Variants in COL18A1 observed in about 807,000 individuals in gnomAD.
COL18A1 encodes the protein collagen alpha-1(XVIII) chain.
Under a neutral mutation model 168.0 loss-of-function variants are expected in COL18A1, and 133 were observed. That is an observed-to-expected ratio of 0.79 (90% CI 0.69 to 0.91). The LOEUF (loss-of-function observed/expected upper bound fraction) is 0.91. Among genes scored for constraint, COL18A1 ranks in the 40% least tolerant of loss-of-function variants. The pLI is 0.00. For missense variants in COL18A1, 2,126 were observed against 1,925.4 expected (o/e 1.10, Z -1.95); for synonymous variants, 949 against 809.0 (o/e 1.17, Z -2.94).
intron 24 of COL18A1, among the ~76,000 whole-genome samples, 165 bp downstream of exon 24, chr21:45,492,878 C>T (rs984505707): frequency 5.3e-5 from 8 of 152,160 alleles, no homozygotes; most frequent in South Asian, 4.1e-4. Flanking sequence ...GGGCGAGAGC[C>T]GCTGGCAGGC....
In COL18A1 at chr21:45,491,205, C is replaced by G; in HGVS notation, c.2068-20C>G. On this transcript the variant is annotated intron_variant, in intron 21 of 41. Coordinates refer to ENST00000651438, the MANE Select transcript of COL18A1 (RefSeq NM_001379500.1). ...AGAGCGGTTGAGATGAAATGCCGGACGCGTGGCCTCCTCTTCCAGGGAGAT... is the reference window on the plus strand; with the variant it reads ...AGAGCGGTTGAGATGAAATGCCGGAGGCGTGGCCTCCTCTTCCAGGGAGAT... 1 of 1,596,830 alleles carries G rather than the reference C, an allele frequency of 6.3e-7. No homozygotes were observed. The highest frequency in any genetic ancestry group is 1.1e-5 in the South Asian group (1 of 90,736).
intron 32 of COL18A1, chr21:45,502,785 G>A (rs77796177): frequency 0.012 from 1,777 of 152,338 alleles, 33 homozygotes; most frequent in African/African-American, 0.041. Context: ...TGCCCACCCT[G>A]GGAGGAGGCA....
At chr21:45,479,844 C>T in intron 9 of COL18A1, 58 bp from the exon 10 acceptor site, 3 of 1,609,398 alleles carry the variant, frequency 1.9e-6, no homozygotes, top group Non-Finnish European at 2.5e-6. Flanking sequence ...ACTGAGAGTG[C>T]TGGGTGCGGC....
rs138497808 is a variant in COL18A1, at chr21:45,511,720, C to T, written c.3810-468C>T. Among the ~76,000 whole-genome samples, 1,006 of 152,284 alleles carry T rather than the reference C, an allele frequency of 6.6e-3. 10 individuals carry two copies. Among genetic ancestry groups the T allele is most frequent in the African/African-American group, 0.023 (953 of 41,556 alleles). ...AACACTCATGCATTTAGGGGTGTCT[C>T]GGGGTGCCACACAGCGTGTCCCCAG... On this transcript the variant is annotated intron_variant, in intron 41 of 41. Coordinates refer to ENST00000651438, the MANE Select transcript of COL18A1 (RefSeq NM_001379500.1).
chr21:45,512,810 C>G lies in COL18A1; in HGVS notation c.*412C>G. On this transcript the variant is annotated 3_prime_UTR_variant, in exon 42 of 42. Coordinates refer to ENST00000651438, the MANE Select transcript of COL18A1 (RefSeq NM_001379500.1). ...ACCGTTCTGTGCACAAAACCCAGAC[C>G]TGTTAGCAGACAGGCCCCGTGAGGC... 3.4e-6 allele frequency: 1 copy of G among 297,638 alleles called. No individual in the cohort carries two copies. Among genetic ancestry groups the G allele is most frequent in the Non-Finnish European group, 6.5e-6 (1 of 154,096 alleles). The allele number at this position is 297,638 out of a possible 1,614,324, so 18.4% of individuals were successfully genotyped here.
chr21:45,434,030 A>AGCCAGGTGTGTGAGCAGGTGCATGG (rs1353979586), intron 2 of COL18A1, among the ~76,000 whole-genome samples: 7 of 53,138 alleles, frequency 1.3e-4, no homozygotes, highest in Non-Finnish European at 1.7e-4. Flanking sequence ...CAGGTGCATG[A>AGCCAGGTGTGTGAGCAGGTGCATGG]GCCAGGTGTG....
rs2035413934 is a variant in COL18A1, at chr21:45,471,109, C to T, written c.651+2323C>T. On this transcript the variant is annotated intron_variant, in intron 3 of 41. Coordinates refer to ENST00000651438, the MANE Select transcript of COL18A1 (RefSeq NM_001379500.1). The surrounding 1 kb of genome is among the most constrained non-coding windows in gnomAD (Gnocchi z 4.4). ...GCGCTACGGGCCGTGTGCTGCTGGG[C>T]CTGGGTGGCGCACTACGGGCCTTGT... 1.4e-5 allele frequency among the ~76,000 whole-genome samples: 2 copies of T among 148,104 alleles called. No individual in the cohort carries two copies. The highest frequency in any genetic ancestry group is 5.0e-5 in the African/African-American group (2 of 40,150).
At chr21:45,481,911 C>A (rs903088280) in intron 13 of COL18A1, 52 bp from the exon 14 acceptor site, 3 of 1,306,142 alleles carry the variant, frequency 2.3e-6, no homozygotes, top group Non-Finnish European at 3.3e-6. Flanking sequence ...ACCCAGAAAT[C>A]GTTTTAGTGG....
At chr21:45,478,860 T>C (rs544429132) in intron 9 of COL18A1, among the ~76,000 whole-genome samples, 2 of 152,108 alleles carry the variant, frequency 1.3e-5, no homozygotes, top group South Asian at 4.2e-4. Flanking sequence ...CGGCAGAAAG[T>C]GGGGCCGTCA....
intron 18 of COL18A1, among the ~76,000 whole-genome samples, chr21:45,489,120 C>T (rs553911809): frequency 6.6e-6 from 1 of 152,234 alleles, no homozygotes; most frequent in Admixed American, 6.5e-5. Flanking sequence ...CTCCTTTGAG[C>T]TTTGCTTTCA....
intron 20 of COL18A1, among the ~76,000 whole-genome samples, chr21:45,490,570 TCTCAGGTC>T (rs1402349290): frequency 0.013 from 1,503 of 120,206 alleles, 19 homozygotes; most frequent in Middle Eastern, 0.037. Flanking sequence ...CCGTGTGCCC[TCTCAGGTC>T]CCTGGGCCTC....
rs1569292151 is a variant in COL18A1, at chr21:45,443,096, GGGC to G, written c.107-25140_107-25138del. 1.4e-5 allele frequency among the ~76,000 whole-genome samples: 1 copy of G among 70,196 alleles called. No individual in the cohort carries two copies. The highest frequency in any genetic ancestry group is 3.3e-5 in the Non-Finnish European group (1 of 30,572). 46.1% of individuals were successfully genotyped at this position (70,196 alleles called of 152,430 possible). A position where few individuals can be genotyped will look rare whatever the true frequency, so the allele number is the denominator to read the frequency against. On this transcript the variant is annotated intron_variant, in intron 2 of 41. Coordinates refer to ENST00000651438, the MANE Select transcript of COL18A1 (RefSeq NM_001379500.1). This position sits in a 1 kb window ranked among gnomAD's most constrained non-coding sequence, Gnocchi z 5.2. ...GTGTGGGTGGTGGTGGTGCTGATGTGGGCGGCGGTGCTGGTGTGGGCGGCGGTG... is the reference window on the plus strand; with the variant it reads ...GTGTGGGTGGTGGTGGTGCTGATGTGGGCGGTGCTGGTGTGGGCGGCGGTG...
chr21:45,503,677 C>T (rs1161032757), intron 32 of COL18A1, among the ~76,000 whole-genome samples: 1 of 150,638 alleles, frequency 6.6e-6, no homozygotes, highest in African/African-American at 2.4e-5. Flanking sequence ...GGGAGATATA[C>T]CTAATGCTAG....
At chr21:45,428,594 C>T (rs1041677614) in intron 2 of COL18A1, among the ~76,000 whole-genome samples, 3 of 152,218 alleles carry the variant, frequency 2.0e-5, no homozygotes, top group South Asian at 2.1e-4. Flanking sequence ...ATTCACACGC[C>T]GGAGAGAGGG....
rs1253020846 is a variant in COL18A1 at position 45,441,043 on chromosome 21, C to T, written c.107-27199C>T. ...TCACTGCTTGCCCCCGGGATGCAAACCCCGGGGACACCCGCCTTTCCGCTC... is the reference window on the plus strand; with the variant it reads ...TCACTGCTTGCCCCCGGGATGCAAATCCCGGGGACACCCGCCTTTCCGCTC... On this transcript the variant is annotated intron_variant, in intron 2 of 41. Coordinates refer to ENST00000651438, the MANE Select transcript of COL18A1 (RefSeq NM_001379500.1). Among the ~76,000 whole-genome samples, 3 of 152,218 alleles carry T rather than the reference C, an allele frequency of 2.0e-5. No homozygotes were observed. The East Asian group carries it at 5.8e-4, about 29-fold the overall frequency.
At chr21:45,493,708 C>A in intron 26 of COL18A1, 133 bp downstream of exon 26, 2 of 698,876 alleles carry the variant, frequency 2.9e-6, no homozygotes, top group South Asian at 1.8e-5. Flanking sequence ...ACCATCCAGG[C>A]CTGGCCCTGG....
Position 45,480,147 on chromosome 21 carries a change from C to A in COL18A1, c.1389C>A (p.His463Gln). The A allele has an allele frequency of 6.3e-7, 1 of 1,575,630 alleles. No homozygotes were observed. The highest frequency in any genetic ancestry group is 8.7e-7 in the Non-Finnish European group (1 of 1,146,498). ...PPGPPGPSFR[H>Q]DKLTFIDMEG... ...GGCCCCCAGGACCCTCCTTCAGACACGACAAGCTGGTAAGTCCCGCCCTTG... is the reference window on the plus strand; with the variant it reads ...GGCCCCCAGGACCCTCCTTCAGACAAGACAAGCTGGTAAGTCCCGCCCTTG... The change falls in exon 11 of 42, where the codon CAC becomes CAA. Residue 463 changes from histidine (H) to glutamine (Q), a missense_variant. By Grantham distance (24) the His-to-Gln change is conservative. Transcript: ENST00000651438.
At chr21:45,439,740 T>C (rs568809537) in intron 2 of COL18A1, among the ~76,000 whole-genome samples, 2 of 146,174 alleles carry the variant, frequency 1.4e-5, no homozygotes, top group Non-Finnish European at 3.1e-5. Context: ...GCAAGCAGGG[T>C]TTGGATTTGG....
chr21:45,455,805 A>C, intron 2 of COL18A1: 1 of 1,613,468 alleles, frequency 6.2e-7, no homozygotes, highest in Non-Finnish European at 8.5e-7. Flanking sequence ...GATGGCCAGG[A>C]CACCCCCACT....
Sources: allele counts gnomAD v4.1 joint callset (sites outside exome capture counted in the v4.1 genomes callset), GRCh38; gene constraint gnomAD v4.1.1; non-coding constraint Gnocchi (gnomAD v3.1); transcripts MANE v1.5; gene names NCBI Gene and HGNC (gene_info 2026-07-23, HGNC 2026-07-21).